INTS1: variants seen among roughly 807,000 people sequenced by gnomAD.
The protein encoded by INTS1 is integrator complex subunit 1.
A neutral mutation model predicts 241.6 loss-of-function variants in INTS1; 137 were observed. The observed-to-expected ratio is 0.57, with a 90% confidence interval of 0.49 to 0.65. The LOEUF (loss-of-function observed/expected upper bound fraction) is 0.65. Among genes scored for constraint, INTS1 ranks in the 30% least tolerant of loss-of-function variants. The pLI, the probability that INTS1 is intolerant of heterozygous loss-of-function variation, is 0.00. For missense variants in INTS1, 3,073 were observed against 3,032.2 expected (o/e 1.01, Z -0.32); for synonymous variants, 1,692 against 1,337.8 (o/e 1.26, Z -5.78).
intron 11 of INTS1, among the ~76,000 whole-genome samples, chr7:1,496,800 A>G (rs6946025): frequency 0.54 from 81,651 of 152,104 alleles, 23,737 homozygotes; most frequent in African/African-American, 0.77. Flanking sequence ...AGCTCCCTCC[A>G]CAGCCCTCGA....
In INTS1 at chr7:1,500,035, C is replaced by G; in HGVS notation, c.547-14G>C. The G allele has an allele frequency of 6.2e-7, 1 of 1,611,206 alleles. No homozygotes were observed. The highest frequency in any genetic ancestry group is 8.5e-7 in the Non-Finnish European group (1 of 1,178,656). ...GCTACACAGAGCCTGCCAGGGAGGG[C>G]GCATGTCACGTGGGAGCTTCGCTGG... On this transcript the variant is annotated splice_polypyrimidine_tract_variant and intron_variant, in intron 4 of 47. Coordinates refer to ENST00000404767, the MANE Select transcript of INTS1 (RefSeq NM_001080453.3).
rs182383769 is a variant in INTS1 at position 1,483,939 on chromosome 7, G to A, written c.3429+64C>T. 4.7e-3 allele frequency: 7,493 copies of A among 1,587,098 alleles called. 26 individuals carry two copies. Among genetic ancestry groups the A allele is most frequent in the Non-Finnish European group, 5.8e-3 (6,804 of 1,163,410 alleles). On this transcript the variant is annotated intron_variant, in intron 25 of 47. Transcript: ENST00000404767. ...GTACCCAGCTGGCACCGAGCGTGCC[G>A]TGCAGCCTCACCCAGCCGTAGACCT...
At position 1,493,115 on chromosome 7, in the gene INTS1, AAG is replaced by A. The variant is rs777201703; in HGVS notation, c.2069-11_2069-10del. 9 of 1,610,498 alleles carry A rather than the reference AAG, an allele frequency of 5.6e-6. No homozygotes were observed. In the African/African-American group the frequency reaches 1.2e-4, roughly 22 times the overall value. Reference sequence around the variant, plus strand: ...CTTCAGCACCTCCACATCTAAGACCAAGAGCCACACATGGGTTCTGGGGCTGC... The same window carrying A: ...CTTCAGCACCTCCACATCTAAGACCAAGCCACACATGGGTTCTGGGGCTGC... On this transcript the variant is annotated splice_polypyrimidine_tract_variant and intron_variant, in intron 15 of 47. Transcript: ENST00000404767. This position sits in a 1 kb window ranked among gnomAD's most constrained non-coding sequence, Gnocchi z 5.3.
chr7:1,501,712 C>T (rs1490917700), intron 3 of INTS1, among the ~76,000 whole-genome samples: 7 of 152,166 alleles, frequency 4.6e-5, no homozygotes, highest in South Asian at 4.1e-4. Context: ...CCCAGGGACA[C>T]GCCTCATGGG....
At chr7:1,487,658 G>C in intron 19 of INTS1, 102 bp downstream of exon 19, 1 of 1,446,610 alleles carries the variant, frequency 6.9e-7, no homozygotes, top group Non-Finnish European at 9.5e-7. Context: ...TTCTGCCGCA[G>C]TGCGGTCGGC....
At chr7:1,487,129 A>T in intron 20 of INTS1, 28 bp from the exon 21 acceptor site, 1 of 1,537,450 alleles carries the variant, frequency 6.5e-7, no homozygotes, top group Non-Finnish European at 8.7e-7. Context: ...GCGCCCGCTC[A>T]GCACCTTCCA....
chr7:1,478,883 G>A lies in INTS1; in HGVS notation c.4332C>T (p.Arg1444=). The change falls in exon 32 of 48, where the codon CGC becomes CGT. Residue 1444 remains arginine, a splice_region_variant and synonymous_variant. Transcript: ENST00000404767. ...PLLRQLCQYQ[R]CVPQDTGFSS... is the part of the protein sequence containing the mutation. ...AGAAGCCGGTGTCCTGTGGCACACA[G>A]CGCTGCGGGGACAAAGTGGCACGTG... 1 of 1,598,650 alleles carries A rather than the reference G, an allele frequency of 6.3e-7. No homozygotes were observed. The highest frequency in any genetic ancestry group is 2.3e-5 in the East Asian group (1 of 44,388).
rs1469487962 is a variant in INTS1, at chr7:1,500,311, A to G, written c.405T>C (p.Asp135=). ...CGCACAGCACGCCCTCGATCCTGTC[A>G]TCGTTGCCCTCCAGCTCGGCCGCCT... ...EIEAAELEGN[D]DRIEGVLCGA... is the part of the protein sequence containing the mutation. The change falls in exon 4 of 48, where the codon GAT becomes GAC. Residue 135 remains aspartate (D), a synonymous_variant. Transcript: ENST00000404767. 1.3e-6 allele frequency: 2 copies of G among 1,593,394 alleles called. No homozygotes were observed. The highest frequency in any genetic ancestry group is 2.7e-5 in the African/African-American group (2 of 74,554).
Position 1,470,616 on chromosome 7 carries a change from G to A in INTS1, c.6534C>T (p.Ser2178=), listed in dbSNP as rs764615460. 4.7e-5 allele frequency: 75 copies of A among 1,585,572 alleles called. No individual in the cohort carries two copies. The highest frequency in any genetic ancestry group is 1.5e-4 in the African/African-American group (11 of 74,384). ...YGQMDPSAQI[S]EALRILHMEA... Reference sequence around the variant, plus strand: ...CCATATGCAGGATCCTCAGGGCCTCGGAGATCTGCGCGCTGGGGTCCATCT... The same window carrying A: ...CCATATGCAGGATCCTCAGGGCCTCAGAGATCTGCGCGCTGGGGTCCATCT... The change falls in exon 48 of 48, where the codon TCC becomes TCT. Residue 2178 remains serine (S), a synonymous_variant. Transcript: ENST00000404767.
At chr7:1,476,092 C>A in intron 38 of INTS1, 21 bp from the exon 39 acceptor site, 1 of 1,533,710 alleles carries the variant, frequency 6.5e-7, no homozygotes, top group South Asian at 1.2e-5. Flanking sequence ...TGGAGCAGGG[C>A]TCACCAGGCG....
intron 39 of INTS1, among the ~76,000 whole-genome samples, chr7:1,475,492 G>A (rs1781669427): frequency 1.3e-5 from 2 of 152,112 alleles, no homozygotes; most frequent in South Asian, 4.1e-4. Context: ...GCCCTCTGTG[G>A]TACCAGCAGA....
At position 1,473,662 on chromosome 7, in the gene INTS1, G is replaced by A. The variant is rs1781578907; in HGVS notation, c.5861C>T (p.Ala1954Val). Residue 1954 changes from alanine to valine, a missense_variant, in exon 42 of 48, where the codon GCC becomes GTC. Physicochemically the swap from Ala to Val is moderately conservative, Grantham distance 64 (BLOSUM62 0). Coordinates refer to ENST00000404767, the MANE Select transcript of INTS1 (RefSeq NM_001080453.3). ...NYRKSSRHLAAFINKFVQFIH... is the reference protein window; with the variant it reads ...NYRKSSRHLAVFINKFVQFIH... Reference sequence around the variant, plus strand: ...GAACTGCACAAACTTGTTGATGAAGGCAGCCAGATGGCGGGAGGACTTCCT... The same window carrying A: ...GAACTGCACAAACTTGTTGATGAAGACAGCCAGATGGCGGGAGGACTTCCT... 6.2e-7 allele frequency: 1 copy of A among 1,613,410 alleles called. No homozygotes were observed. Among genetic ancestry groups the A allele is most frequent in the Non-Finnish European group, 8.5e-7 (1 of 1,179,786 alleles).
At chr7:1,498,943 G>GGCCCCCCCCCCCCCCCCCCC in intron 8 of INTS1, 32 bp downstream of exon 8, 1 of 1,070,744 alleles carries the variant, frequency 9.3e-7, no homozygotes, top group African/African-American at 2.0e-5. Context: ...CCCACCCCCT[G>GGCCCCCCCCCCCCCCCCCCC]CCCCGCCCAC....
In INTS1 at chr7:1,485,357, A is replaced by G; in HGVS notation, c.3089T>C (p.Leu1030Pro). 1 of 1,611,812 alleles carries G rather than the reference A, an allele frequency of 6.2e-7. No individual in the cohort carries two copies. The highest frequency in any genetic ancestry group is 1.7e-5 in the Admixed American group (1 of 60,024). ...TDVLQGYQWL[L>P]RDLPRLPLFD... The stretch of plus-strand genomic sequence containing the variant: ...CAGAGGCAGGCGAGGCAGGTCCCGC[A>G]GCAGCCACTGATAGCCCTGCAGCAC... Residue 1030 changes from leucine (L) to proline (P), a missense_variant, in exon 23 of 48, where the codon CTG becomes CCG. By Grantham distance (98) the Leu-to-Pro change is moderately conservative. Transcript: ENST00000404767.
chr7:1,491,364 C>T (rs768328969), intron 16 of INTS1, among the ~76,000 whole-genome samples: 3 of 152,154 alleles, frequency 2.0e-5, no homozygotes, highest in Admixed American at 6.5e-5. Context: ...CTTTCAACAG[C>T]GGTGCCGGGA....
In INTS1 at chr7:1,477,949, C is replaced by A; in HGVS notation, c.4631-13G>T. ...AGCCCCTGGAGGACTGCGCAAGGGA[C>A]AAAGAGACATGTGGGTCACTCCCAG... On this transcript the variant is annotated splice_polypyrimidine_tract_variant and intron_variant, in intron 33 of 47. Transcript: ENST00000404767. 1 of 1,611,342 alleles carries A rather than the reference C, an allele frequency of 6.2e-7. No homozygotes were observed. Among genetic ancestry groups the A allele is most frequent in the Non-Finnish European group, 8.5e-7 (1 of 1,178,936 alleles).
Position 1,471,630 on chromosome 7 carries a change from C to G in INTS1, c.6196G>C (p.Val2066Leu). Residue 2066 changes from valine to leucine, a missense_variant, in exon 45 of 48, where the codon GTT becomes CTT. Transcript: ENST00000404767. ...GACATCTCGTCTATGTCACTCAGAA[C>G]CTCCAGCAGATCTGACACAGAGAGA... ...RGQTVEDLLEVLSDIDEMSRR... is the reference protein window; with the variant it reads ...RGQTVEDLLELLSDIDEMSRR... The G allele has an allele frequency of 6.2e-7, 1 of 1,612,328 alleles. No homozygotes were observed. Among genetic ancestry groups the G allele is most frequent in the Middle Eastern group, 1.7e-4 (1 of 6,060 alleles).
intron 3 of INTS1, chr7:1,501,328 T>C (rs1783169957): frequency 6.6e-6 from 1 of 151,550 alleles, no homozygotes; most frequent in African/African-American, 2.4e-5. Flanking sequence ...AATAAGTAAA[T>C]ACATATCCAC....
In INTS1 at chr7:1,473,602, G is replaced by A. The variant is rs769485181; in HGVS notation, c.5921C>T (p.Ala1974Val). The A allele has an allele frequency of 6.2e-6, 10 of 1,609,562 alleles. No homozygotes were observed. The East Asian group carries it at 2.0e-4, about 32-fold the overall frequency. ...HKYITYNAPA[A>V]ISFLQKHADP... ...GGCGTGCTTCTGCAGGAAGGAGATG[G>A]CTGCTGGGGCATTGTAGGTAATGTA... The change falls in exon 42 of 48, where the codon GCC becomes GTC. Residue 1974 changes from alanine to valine, a missense_variant. Physicochemically the swap from Ala to Val is moderately conservative, Grantham distance 64. Transcript: ENST00000404767.
Sources: gnomAD v4.1 joint callset for allele counts (sites outside exome capture counted in the v4.1 genomes callset) on GRCh38, gnomAD v4.1.1 for gene constraint, Gnocchi (gnomAD v3.1) non-coding constraint, MANE v1.5 for transcripts, NCBI Gene and HGNC (gene_info 2026-07-23, HGNC 2026-07-21) for gene names.